NFXL1: variants seen among roughly 807,000 people sequenced by gnomAD.
The protein encoded by NFXL1 is nuclear transcription factor, X-box binding like 1, also known as NF-X1-type zinc finger protein NFXL1.
Under a neutral mutation model 123.3 loss-of-function variants are expected in NFXL1, and 66 were observed. The observed-to-expected ratio is 0.54, with a 90% CI of 0.44 to 0.66. NFXL1 has a LOEUF of 0.66. Among genes scored for constraint, NFXL1 ranks in the 30% least tolerant of loss-of-function variants. NFXL1 has a pLI of 0.00. For missense variants in NFXL1, 944 were observed against 1,125.6 expected (o/e 0.84, Z 2.31); for synonymous variants, 346 against 360.8 (o/e 0.96, Z 0.46).
chr4:47,891,088 G>A (rs1296350699), intron 11 of NFXL1, among the ~76,000 whole-genome samples: 1 of 150,762 alleles, frequency 6.6e-6, no homozygotes, highest in Non-Finnish European at 1.5e-5. Flanking sequence ...TCATTTGGCA[G>A]TTATTTATTT....
intron 19 of NFXL1, among the ~76,000 whole-genome samples, chr4:47,859,359 C>T (rs1313583519): frequency 6.6e-6 from 1 of 152,188 alleles, no homozygotes; most frequent in Non-Finnish European, 1.5e-5. Context: ...ATATATAGCG[C>T]TTACCATTAA....
At chr4:47,874,744 A>T (rs11937912) in intron 18 of NFXL1, among the ~76,000 whole-genome samples, 52,636 of 152,138 alleles carry the variant, frequency 0.35, 10,278 homozygotes, top group Non-Finnish European at 0.44. Context: ...GTATCTGCCA[A>T]GTACAATAAA....
At chr4:47,866,006 C>T (rs987411087) in intron 18 of NFXL1, among the ~76,000 whole-genome samples, 1 of 151,696 alleles carries the variant, frequency 6.6e-6, no homozygotes. Flanking sequence ...CAGAGAGACA[C>T]CTTGTCTCAA....
At chr4:47,858,924 G>T (rs1422941487) in intron 19 of NFXL1, among the ~76,000 whole-genome samples, 1 of 152,092 alleles carries the variant, frequency 6.6e-6, no homozygotes, top group Non-Finnish European at 1.5e-5. Flanking sequence ...TAAATCATGT[G>T]ATCATTTTCC....
At chr4:47,911,584 T>C (rs1294200772) in intron 2 of NFXL1, among the ~76,000 whole-genome samples, 3 of 152,358 alleles carry the variant, frequency 2.0e-5, no homozygotes, top group South Asian at 2.1e-4. Context: ...TATGGACTTC[T>C]TGTGGTCACA....
chr4:47,905,723 G>A (rs560836401), intron 3 of NFXL1, among the ~76,000 whole-genome samples: 2 of 125,198 alleles, frequency 1.6e-5, no homozygotes, highest in Non-Finnish European at 3.2e-5. Context: ...GAGCCACTGA[G>A]CATAAATATA....
chr4:47,897,188 T>C (rs1737133779), intron 9 of NFXL1, among the ~76,000 whole-genome samples: 1 of 152,104 alleles, frequency 6.6e-6, no homozygotes, highest in Non-Finnish European at 1.5e-5. Flanking sequence ...GACAGGTGCC[T>C]GTATTCCCAG....
At chr4:47,871,581 T>A (rs2110060470) in intron 18 of NFXL1, among the ~76,000 whole-genome samples, 1 of 152,310 alleles carries the variant, frequency 6.6e-6, no homozygotes, top group East Asian at 1.9e-4. Flanking sequence ...ATGCTAAAAT[T>A]CGTGGGTGAA....
At chr4:47,870,168 G>A (rs1387571619) in intron 18 of NFXL1, among the ~76,000 whole-genome samples, 2 of 151,884 alleles carry the variant, frequency 1.3e-5, no homozygotes, top group East Asian at 3.9e-4. Flanking sequence ...GAAAACCAAG[G>A]AAATAGCCAA....
chr4:47,913,968 C>A lies in NFXL1; in HGVS notation c.235+1G>T. 6.5e-7 allele frequency: 1 copy of A among 1,542,748 alleles called. No homozygotes were observed. Among genetic ancestry groups the A allele is most frequent in the Non-Finnish European group, 8.7e-7 (1 of 1,143,218 alleles). The stretch of plus-strand genomic sequence containing the variant: ...AGCACGCGGGCGGGAGCCATTCTCA[C>A]CGCTGGCTGCGGTAGTCTGCAGGGC... On this transcript the variant is annotated splice_donor_variant, in intron 2 of 22. Transcript: ENST00000507489. LOFTEE classifies it high-confidence loss of function.
At chr4:47,895,530 GCTTC>G (rs1028082222) in intron 10 of NFXL1, among the ~76,000 whole-genome samples, 2 of 152,170 alleles carry the variant, frequency 1.3e-5, no homozygotes, top group Non-Finnish European at 2.9e-5. Flanking sequence ...TATGAAGAGG[GCTTC>G]CTTCCTTAAA....
At chr4:47,904,595 T>C (rs1251931943) in intron 4 of NFXL1, among the ~76,000 whole-genome samples, 1 of 152,242 alleles carries the variant, frequency 6.6e-6, no homozygotes, top group Non-Finnish European at 1.5e-5. Flanking sequence ...AACTATTTCA[T>C]CTGACTTGAT....
Position 47,914,392 on chromosome 4 carries a change from GC to G in NFXL1, c.-31del. On this transcript the variant is annotated 5_prime_UTR_variant, in exon 1 of 23. Coordinates refer to ENST00000507489, the MANE Select transcript of NFXL1 (RefSeq NM_001278624.2). Reference sequence around the variant, plus strand: ...GAGGGCGAGTCCCCGCCAAGCCCGGGCTTTGGAGATGGACCGAAGAGGGGAG... The same window carrying G: ...GAGGGCGAGTCCCCGCCAAGCCCGGGTTTGGAGATGGACCGAAGAGGGGAG... The G allele has an allele frequency of 1.9e-6, 1 of 537,234 alleles. No homozygotes were observed. The highest frequency in any genetic ancestry group is 3.3e-6 in the Non-Finnish European group (1 of 302,750). 33.3% of individuals were successfully genotyped at this position (537,234 alleles called of 1,614,324 possible).
At position 47,878,546 on chromosome 4, in the gene NFXL1, A is replaced by G; in HGVS notation, c.2058T>C (p.Asp686=). ...TTACCTTGTTTTTTCCAGTGCAGCC[A>G]TCAGTTTTGGTTACTTTGTGGCATT... The part of the protein sequence containing the change: ...MKECHKVTKT[D]GCTGKNKAGP... The change falls in exon 17 of 23, where the codon GAT becomes GAC. Residue 686 remains aspartate, a synonymous_variant. Transcript: ENST00000507489. The G allele has an allele frequency of 6.9e-6, 11 of 1,593,940 alleles. No homozygotes were observed. Among genetic ancestry groups the G allele is most frequent in the Non-Finnish European group, 8.5e-6 (10 of 1,171,152 alleles).
chr4:47,899,824 C>T (rs1479415181), intron 5 of NFXL1, among the ~76,000 whole-genome samples: 1 of 152,208 alleles, frequency 6.6e-6, no homozygotes, highest in African/African-American at 2.4e-5. Context: ...GCACTTGAAA[C>T]GTGGCTAGTG....
At chr4:47,863,390 A>G (rs1734872220) in intron 18 of NFXL1, among the ~76,000 whole-genome samples, 1 of 152,216 alleles carries the variant, frequency 6.6e-6, no homozygotes, top group South Asian at 2.1e-4. Flanking sequence ...TTAGAAATTA[A>G]TTCACTTTAG....
Position 47,914,135 on chromosome 4 carries a change from G to A in NFXL1, c.69C>T (p.Pro23=), listed in dbSNP as rs1434774810. ...CGCGGAGATGGACTCCATTTCCTGA[G>A]GGGGCGGCAGTGGCCCGTCCCCGGG... ...GRSRGRATAA[P]SGNGVHLRGA... Residue 23 remains proline, a synonymous_variant, in exon 2 of 23, where the codon CCC becomes CCT. Coordinates refer to ENST00000507489, the MANE Select transcript of NFXL1 (RefSeq NM_001278624.2). The A allele has an allele frequency of 6.4e-7, 1 of 1,554,204 alleles. No individual in the cohort carries two copies. The highest frequency in any genetic ancestry group is 8.7e-7 in the Non-Finnish European group (1 of 1,149,300).
intron 12 of NFXL1, among the ~76,000 whole-genome samples, 171 bp from the exon 13 acceptor site, chr4:47,886,170 A>G (rs1736418655): frequency 6.6e-6 from 1 of 152,226 alleles, no homozygotes; most frequent in African/African-American, 2.4e-5. Flanking sequence ...AGACACAAGG[A>G]GTACATAGTG....
At chr4:47,905,399 CAA>C in intron 3 of NFXL1, 53 bp from the exon 4 acceptor site, 1 of 842,550 alleles carries the variant, frequency 1.2e-6, no homozygotes, top group Non-Finnish European at 2.0e-6. Context: ...GAAAATAACA[CAA>C]ACTCACTAAT....
Sources: allele counts gnomAD v4.1 joint callset (sites outside exome capture counted in the v4.1 genomes callset), GRCh38; gene constraint gnomAD v4.1.1; transcripts MANE v1.5; gene names NCBI Gene and HGNC (gene_info 2026-07-23, HGNC 2026-07-21).